CAPZB: variants seen among roughly 807,000 people sequenced by gnomAD.
CAPZB encodes F-actin-capping protein subunit beta.
In CAPZB, 2 loss-of-function variants were observed where a neutral mutation model predicts 38.1. The ratio of observed to expected loss-of-function variants is 0.05; its 90% confidence interval spans 0.02 to 0.17. The LOEUF is 0.17. Among genes scored for constraint, CAPZB ranks in the 10% least tolerant of loss-of-function variants. The pLI is 1.00. For synonymous variants in CAPZB, 107 were observed against 127.4 expected, an observed-to-expected ratio of 0.84 and a Z score of 1.08; for missense variants, 161 against 334.2, an observed-to-expected ratio of 0.48 and a Z score of 4.04.
intron 8 of CAPZB, among the ~76,000 whole-genome samples, chr1:19,343,088 G>C (rs1251215247): frequency 6.6e-6 from 1 of 152,104 alleles, no homozygotes; most frequent in African/African-American, 2.4e-5. Context: ...CAGGCTCTTC[G>C]GCTTCTCTCC....
At chr1:19,401,947 C>A (rs990410138) in intron 2 of CAPZB, among the ~76,000 whole-genome samples, 1 of 152,182 alleles carries the variant, frequency 6.6e-6, no homozygotes, top group African/African-American at 2.4e-5. Flanking sequence ...TCATGAAGTT[C>A]ACTGGAGTTT....
intron 1 of CAPZB, among the ~76,000 whole-genome samples, chr1:19,476,175 GA>G (rs1558296399): frequency 7.4e-3 from 147 of 19,972 alleles, no homozygotes; most frequent in African/African-American, 0.027. Flanking sequence ...TAAGTAGATA[GA>G]TAGATAGATA....
At chr1:19,374,597 C>T (rs1156758801) in intron 4 of CAPZB, 1 of 152,306 alleles carries the variant, frequency 6.6e-6, no homozygotes, top group Non-Finnish European at 1.5e-5. Flanking sequence ...GGCACAAGGG[C>T]GAGCCCAGCC....
At chr1:19,449,809 C>G (rs1386763198) in intron 1 of CAPZB, among the ~76,000 whole-genome samples, 3 of 143,628 alleles carry the variant, frequency 2.1e-5, no homozygotes, top group South Asian at 2.2e-4. Flanking sequence ...AAGAGAGAGA[C>G]AGAGAGAAAG....
intron 1 of CAPZB, among the ~76,000 whole-genome samples, chr1:19,445,062 C>G (rs1442780017): frequency 3.3e-5 from 5 of 151,924 alleles, no homozygotes; most frequent in African/African-American, 1.2e-4. Context: ...TTTTTTTGAC[C>G]CACGAGATCT....
At chr1:19,450,475 G>A (rs2094512489) in intron 1 of CAPZB, among the ~76,000 whole-genome samples, 1 of 152,176 alleles carries the variant, frequency 6.6e-6, no homozygotes, top group African/African-American at 2.4e-5. Flanking sequence ...CTGTAAGAGT[G>A]TGTCAGGCAC....
chr1:19,428,301 G>A (rs1570240961), intron 1 of CAPZB, among the ~76,000 whole-genome samples: 2 of 152,240 alleles, frequency 1.3e-5, no homozygotes, highest in Middle Eastern at 6.8e-3. Flanking sequence ...TACACGGGAG[G>A]CTGAGGCAGG....
At chr1:19,482,831 T>C (rs1042025268) in intron 1 of CAPZB, among the ~76,000 whole-genome samples, 2 of 151,956 alleles carry the variant, frequency 1.3e-5, no homozygotes, top group African/African-American at 4.8e-5. Flanking sequence ...ACACCACCAC[T>C]TCTGTCCTAC....
intron 1 of CAPZB, among the ~76,000 whole-genome samples, chr1:19,433,400 G>A (rs1159885959): frequency 6.6e-6 from 1 of 152,188 alleles, no homozygotes; most frequent in Non-Finnish European, 1.5e-5. Flanking sequence ...ACTGACGAAG[G>A]CTAAGAAAAG....
At chr1:19,362,085 C>T (rs1431118032) in intron 4 of CAPZB, among the ~76,000 whole-genome samples, 1 of 152,254 alleles carries the variant, frequency 6.6e-6, no homozygotes, top group East Asian at 1.9e-4. Flanking sequence ...GAGGAATGGG[C>T]CCAGGACTCA....
chr1:19,375,440 T>C (rs983378869), intron 4 of CAPZB, among the ~76,000 whole-genome samples: 2 of 151,942 alleles, frequency 1.3e-5, no homozygotes, highest in Admixed American at 1.3e-4. Flanking sequence ...ACATGCAAGG[T>C]AAGGAAGGGC....
chr1:19,339,507 T>C lies in CAPZB; in HGVS notation c.*23A>G, dbSNP rs778034875. 1.0e-5 allele frequency: 16 copies of C among 1,563,622 alleles called. No individual in the cohort carries two copies. The highest frequency in any genetic ancestry group is 1.7e-5 in the Admixed American group (1 of 59,948). ...AGGAATCTAACGAGTGCACGGCGTG[T>C]CTGGTTAGCATGAAACAGAGGTTTA... On this transcript the variant is annotated 3_prime_UTR_variant, in exon 9 of 9. Coordinates refer to ENST00000264202, the MANE Select transcript of CAPZB (RefSeq NM_004930.5).
intron 1 of CAPZB, among the ~76,000 whole-genome samples, chr1:19,459,805 C>A (rs2094544768): frequency 6.6e-6 from 1 of 152,220 alleles, no homozygotes; most frequent in Admixed American, 6.5e-5. Context: ...CTCTGAGTAG[C>A]ATGATGACAT....
chr1:19,468,759 G>A lies in CAPZB; in HGVS notation c.3+16677C>T, dbSNP rs552553324. Among the ~76,000 whole-genome samples the A allele has an allele frequency of 1.8e-3, 272 of 149,188 alleles. 1 individual carries two copies. The highest frequency in any genetic ancestry group is 2.7e-3 in the Non-Finnish European group (180 of 67,420). On this transcript the variant is annotated intron_variant, in intron 1 of 8. Coordinates refer to ENST00000264202, the MANE Select transcript of CAPZB (RefSeq NM_004930.5). ...TAAATTAGTCATTTCCCCAGCACCC[G>A]CCATGCCCTCCTGGGCCACTGAGTC...
chr1:19,382,849 G>A (rs554318091), intron 3 of CAPZB, among the ~76,000 whole-genome samples: 145 of 152,258 alleles, frequency 9.5e-4, no homozygotes, highest in African/African-American at 3.4e-3. Flanking sequence ...CCAGTTCAAG[G>A]AACACCTCCT....
chr1:19,484,231 C>T lies in CAPZB; in HGVS notation c.3+1205G>A, dbSNP rs1346010097. 4 of 1,612,662 alleles carry T rather than the reference C, an allele frequency of 2.5e-6. No homozygotes were observed. The East Asian group carries it at 6.7e-5, about 27-fold the overall frequency. On this transcript the variant is annotated intron_variant, in intron 1 of 8. Coordinates refer to ENST00000264202, the MANE Select transcript of CAPZB (RefSeq NM_004930.5). ...CCATAATCAGCAGTTCCAACCCTTG[C>T]AAGCTGACAGTTCAGAGGGAAGGGG...
intron 1 of CAPZB, among the ~76,000 whole-genome samples, chr1:19,471,369 T>C (rs985686886): frequency 2.0e-5 from 3 of 152,178 alleles, no homozygotes; most frequent in Non-Finnish European, 2.9e-5. Context: ...AGTGGGAATT[T>C]TATCAGTTAA....
Position 19,357,263 on chromosome 1 carries a change from A to AATTTT in CAPZB, c.471+158_471+159insAAAAT, listed in dbSNP as rs3042969. On this transcript the variant is annotated intron_variant, in intron 5 of 8. Coordinates refer to ENST00000264202, the MANE Select transcript of CAPZB (RefSeq NM_004930.5). This position sits in a 1 kb window ranked among gnomAD's most constrained non-coding sequence, Gnocchi z 4.3. ...GAACTTAATCATCAATGACTACTGC[A>AATTTT]GACTTATCTTTATCCAAATGGCTTT... is the stretch of plus-strand genomic sequence containing the variant. 5.3e-5 allele frequency among the ~76,000 whole-genome samples: 8 copies of AATTTT among 151,562 alleles called. No homozygotes were observed. Among genetic ancestry groups the AATTTT allele is most frequent in the African/African-American group, 1.7e-4 (7 of 41,314 alleles).
At chr1:19,416,949 C>A (rs1014863806) in intron 2 of CAPZB, among the ~76,000 whole-genome samples, 1 of 149,148 alleles carries the variant, frequency 6.7e-6, no homozygotes, top group African/African-American at 2.5e-5. Context: ...GTGGTAGATA[C>A]GGCCTGGCAC....
Sources: gnomAD v4.1 joint callset for allele counts (sites outside exome capture counted in the v4.1 genomes callset) on GRCh38, gnomAD v4.1.1 for gene constraint, Gnocchi (gnomAD v3.1) non-coding constraint, MANE v1.5 for transcripts, NCBI Gene and HGNC (gene_info 2026-07-23, HGNC 2026-07-21) for gene names.